Variants in RMND1 observed in about 807,000 individuals in gnomAD.
RMND1 encodes required for meiotic nuclear division 1 homolog, also known as required for meiotic nuclear division protein 1 homolog.
Under a neutral mutation model 54.0 loss-of-function variants are expected in RMND1, and 41 were observed. The ratio of observed to expected loss-of-function variants is 0.76; its 90% confidence interval spans 0.59 to 0.98. RMND1 has a LOEUF of 0.98. Among genes scored for constraint, RMND1 ranks in the 50% least tolerant of loss-of-function variants. RMND1 has a pLI of 0.00. For missense variants in RMND1, 457 were observed against 532.0 expected, an observed-to-expected ratio of 0.86 and a Z score of 1.39; for synonymous variants, 183 against 181.7, an observed-to-expected ratio of 1.01 and a Z score of -0.06.
At chr6:151,408,732 G>A (rs1779712157) in intron 10 of RMND1, 1 of 152,216 alleles carries the variant, frequency 6.6e-6, no homozygotes, top group South Asian at 2.1e-4. Context: ...GAAGAGTTCA[G>A]AATGATACAA....
At chr6:151,449,774 G>C (rs921374173) in intron 1 of RMND1, among the ~76,000 whole-genome samples, 10 of 152,166 alleles carry the variant, frequency 6.6e-5, no homozygotes, top group African/African-American at 2.4e-4. Context: ...TCAGCCTGCC[G>C]AGTGCCTGCG....
chr6:151,424,331 C>T (rs924736797), intron 6 of RMND1, among the ~76,000 whole-genome samples: 7 of 151,882 alleles, frequency 4.6e-5, no homozygotes, highest in East Asian at 2.0e-4. Flanking sequence ...GGTGTGGTGG[C>T]GGGCGCCTGT....
At chr6:151,451,877 A>G (rs893244505) in intron 1 of RMND1, 139 bp downstream of exon 1, 5 of 152,400 alleles carry the variant, frequency 3.3e-5, no homozygotes, top group African/African-American at 1.2e-4. Context: ...TAAGCTGACC[A>G]AAGATCACGG....
At position 151,421,214 on chromosome 6, in the gene RMND1, G is replaced by T. The variant is rs750436266; in HGVS notation, c.1079+31C>A. On this transcript the variant is annotated intron_variant, in intron 9 of 11. Transcript: ENST00000444024. ...GTTTTCTTGAGATTGTTAAATATATGAAATATTTTATTTAGAGAGAAAACT... is the reference window on the plus strand; with the variant it reads ...GTTTTCTTGAGATTGTTAAATATATTAAATATTTTATTTAGAGAGAAAACT... The T allele has an allele frequency of 2.4e-5, 34 of 1,440,374 alleles. No individual in the cohort carries two copies. The East Asian group carries it at 7.5e-4, about 32-fold the overall frequency. 89.2% of individuals were successfully genotyped at this position (1,440,374 alleles called of 1,614,324 possible).
At chr6:151,440,161 T>G (rs1447524455) in intron 2 of RMND1, among the ~76,000 whole-genome samples, 1 of 152,236 alleles carries the variant, frequency 6.6e-6, no homozygotes, top group African/African-American at 2.4e-5. Flanking sequence ...TTCTTCATGT[T>G]GGCCAGGCTG....
chr6:151,439,828 T>G (rs1034788907), intron 2 of RMND1, among the ~76,000 whole-genome samples: 2 of 151,862 alleles, frequency 1.3e-5, no homozygotes, highest in African/African-American at 4.8e-5. Flanking sequence ...CCCAGCTAAT[T>G]TTTGTATTTT....
At chr6:151,414,552 C>T (rs538556532) in intron 10 of RMND1, among the ~76,000 whole-genome samples, 2 of 152,060 alleles carry the variant, frequency 1.3e-5, no homozygotes, top group Non-Finnish European at 2.9e-5. Context: ...CAATTCTGAA[C>T]ACATTTGAAA....
chr6:151,423,725 T>C, intron 6 of RMND1, 94 bp from the exon 7 acceptor site: 2 of 827,298 alleles, frequency 2.4e-6, no homozygotes, highest in Admixed American at 1.9e-5. Context: ...CTGGAGGTCA[T>C]TTTGACAATT....
rs140698094 is a variant in RMND1, at chr6:151,423,455, G to T, written c.937+70C>A. Reference sequence around the variant, plus strand: ...AGTATTCTGAAAATATACCAAAATCGTGACTATTTAAACTTCCCTCAGTGA... The same window carrying T: ...AGTATTCTGAAAATATACCAAAATCTTGACTATTTAAACTTCCCTCAGTGA... On this transcript the variant is annotated intron_variant, in intron 7 of 11. Coordinates refer to ENST00000444024, the MANE Select transcript of RMND1 (RefSeq NM_017909.4). The T allele has an allele frequency of 5.9e-4, 561 of 951,276 alleles. 2 individuals carry two copies. In the African/African-American group the frequency reaches 7.8e-3, roughly 13 times the overall value. 58.9% of individuals were successfully genotyped at this position (951,276 alleles called of 1,614,324 possible).
rs184013939 is a variant in RMND1, at chr6:151,412,546, C to T, written c.1200+4733G>A. Among the ~76,000 whole-genome samples the T allele has an allele frequency of 7.9e-5, 12 of 152,288 alleles. No individual in the cohort carries two copies. In the East Asian group the frequency reaches 2.3e-3, roughly 29 times the overall value. ...GTGACTTCTGTTTTACTAGCATTCT[C>T]TTCCTGACAGTCTCTCTTGCTCTCT... On this transcript the variant is annotated intron_variant, in intron 10 of 11. Coordinates refer to ENST00000444024, the MANE Select transcript of RMND1 (RefSeq NM_017909.4).
rs751190418 is a variant in RMND1, at chr6:151,445,775, G to A, written c.37C>T (p.His13Tyr). ...TGATGTGCTTTTGATAATATATGAT[G>A]AGATCTGGCCACGGCTCTGAGGAGT... ...ATLLRAVARS[H>Y]HILSKAHQCR... Residue 13 changes from histidine to tyrosine, a missense_variant, in exon 2 of 12, where the codon CAT becomes TAT. By Grantham distance (83) the His-to-Tyr change is moderately conservative. Coordinates refer to ENST00000444024, the MANE Select transcript of RMND1 (RefSeq NM_017909.4). 5 of 1,612,714 alleles carry A rather than the reference G, an allele frequency of 3.1e-6. No homozygotes were observed. In the South Asian group the frequency reaches 4.4e-5, roughly 14 times the overall value.
intron 10 of RMND1, among the ~76,000 whole-genome samples, chr6:151,406,050 A>G (rs1779609732): frequency 6.6e-6 from 1 of 152,230 alleles, no homozygotes; most frequent in African/African-American, 2.4e-5. Flanking sequence ...AAGCTCTTCT[A>G]TTTGTAAGAT....
Position 151,449,395 on chromosome 6 carries a change from C to T in RMND1, c.-15+2621G>A, listed in dbSNP as rs535989199. On this transcript the variant is annotated intron_variant, in intron 1 of 11. Coordinates refer to ENST00000444024, the MANE Select transcript of RMND1 (RefSeq NM_017909.4). ...AAAAAAAAAAAAAAAAGCTAAACCC[C>T]TCAGAATGGCCTGCATGGCACTACA... 3.3e-5 allele frequency among the ~76,000 whole-genome samples: 5 copies of T among 151,936 alleles called. No homozygotes were observed. In the South Asian group the frequency reaches 1.0e-3, roughly 32 times the overall value.
intron 2 of RMND1, among the ~76,000 whole-genome samples, chr6:151,442,855 G>A (rs1342169933): frequency 6.6e-6 from 1 of 152,090 alleles, no homozygotes; most frequent in African/African-American, 2.4e-5. Context: ...TTTAGGAATT[G>A]TAAGCCAAAG....
At chr6:151,446,320 G>T (rs917581828) in intron 1 of RMND1, among the ~76,000 whole-genome samples, 1 of 151,838 alleles carries the variant, frequency 6.6e-6, no homozygotes, top group African/African-American at 2.4e-5. Flanking sequence ...TGTAGTCCCA[G>T]CTACTCACAG....
chr6:151,431,492 T>C (rs1487789368), intron 4 of RMND1, among the ~76,000 whole-genome samples: 1 of 151,982 alleles, frequency 6.6e-6, no homozygotes, highest in Non-Finnish European at 1.5e-5. Flanking sequence ...GGATACGGAT[T>C]TGAGAGGTAT....
intron 2 of RMND1, among the ~76,000 whole-genome samples, chr6:151,441,503 G>A (rs1301808777): frequency 6.6e-6 from 1 of 152,092 alleles, no homozygotes; most frequent in East Asian, 1.9e-4. Flanking sequence ...CAGGATGGGG[G>A]GTGGTTACCA....
In RMND1 at chr6:151,417,175, T is replaced by G. The variant is rs181135477; in HGVS notation, c.1200+104A>C. The G allele has an allele frequency of 2.3e-5, 30 of 1,277,622 alleles. 1 individual carries two copies. In the South Asian group the frequency reaches 3.3e-4, roughly 14 times the overall value. The allele number at this position is 1,277,622 out of a possible 1,614,324, so 79.1% of individuals were successfully genotyped here. On this transcript the variant is annotated intron_variant, in intron 10 of 11. Coordinates refer to ENST00000444024, the MANE Select transcript of RMND1 (RefSeq NM_017909.4). ...ACAAGAAGGGGAAATATAAAGAGAT[T>G]TGAATGGAAGTCAAACAAGATATTT... is the stretch of plus-strand genomic sequence containing the variant.
intron 1 of RMND1, among the ~76,000 whole-genome samples, chr6:151,450,729 G>T (rs968896348): frequency 4.6e-5 from 7 of 151,840 alleles, no homozygotes; most frequent in South Asian, 2.1e-4. Flanking sequence ...GAACGGGACG[G>T]GATGACAATG....
Sources: gnomAD v4.1 joint callset for allele counts (sites outside exome capture counted in the v4.1 genomes callset) on GRCh38, gnomAD v4.1.1 for gene constraint, MANE v1.5 for transcripts, NCBI Gene and HGNC (gene_info 2026-07-23, HGNC 2026-07-21) for gene names.